GRIP1: variants seen among roughly 807,000 people sequenced by gnomAD.
The protein encoded by GRIP1 is glutamate receptor interacting protein 1.
GRIP1 carries 45 observed loss-of-function variants against 129.9 expected under a neutral mutation model. That is an observed-to-expected ratio of 0.35 (90% CI 0.27 to 0.44). The LOEUF is 0.44. Ranked by LOEUF, GRIP1 falls within the 20% of genes least tolerant of loss-of-function variation. The pLI, the probability that GRIP1 is intolerant of heterozygous loss-of-function variation, is 1.00. For synonymous variants in GRIP1, 530 were observed against 520.8 expected, an observed-to-expected ratio of 1.02 and a Z score of -0.24; for missense variants, 1,196 against 1,396.8, an observed-to-expected ratio of 0.86 and a Z score of 2.29.
chr12:66,910,683 TTGAAA>T (rs2041014517), intron 1 of GRIP1, among the ~76,000 whole-genome samples: 1 of 151,932 alleles, frequency 6.6e-6, no homozygotes, highest in Admixed American at 6.6e-5. Flanking sequence ...CCCAGGAAAC[TTGAAA>T]TGAAGAGACT....
At chr12:66,522,924 T>C (rs2061072181) in intron 5 of GRIP1, among the ~76,000 whole-genome samples, 2 of 152,016 alleles carry the variant, frequency 1.3e-5, no homozygotes, top group South Asian at 2.1e-4. Flanking sequence ...GAAGAAAGAG[T>C]ATCAGTGATG....
intron 2 of GRIP1, among the ~76,000 whole-genome samples, chr12:66,587,789 G>T (rs573221809): frequency 2.0e-5 from 3 of 152,290 alleles, no homozygotes; most frequent in East Asian, 3.9e-4. Context: ...TGTGTCAGTG[G>T]TTTACATTCC....
At chr12:67,016,189 G>T (rs924712846) in intron 1 of GRIP1, among the ~76,000 whole-genome samples, 1 of 152,086 alleles carries the variant, frequency 6.6e-6, no homozygotes, top group African/African-American at 2.4e-5. Flanking sequence ...TAAAATGTAA[G>T]AAATAAAATG....
At chr12:66,424,884 G>T (rs2057930022) in intron 14 of GRIP1, among the ~76,000 whole-genome samples, 1 of 151,484 alleles carries the variant, frequency 6.6e-6, no homozygotes, top group Non-Finnish European at 1.5e-5. Flanking sequence ...TTGCTTTCTA[G>T]GTTTGCTACA....
At chr12:67,025,325 A>G (rs1192768608) in intron 1 of GRIP1, among the ~76,000 whole-genome samples, 2 of 152,190 alleles carry the variant, frequency 1.3e-5, no homozygotes, top group Non-Finnish European at 1.5e-5. Context: ...TGGGTGACAG[A>G]GCGAGACTCT....
intron 1 of GRIP1, among the ~76,000 whole-genome samples, chr12:66,821,971 AG>A (rs1419467121): frequency 2.6e-5 from 4 of 151,926 alleles, no homozygotes; most frequent in Non-Finnish European, 5.9e-5. Context: ...GAAATAGAAT[AG>A]GGGCCAAGTG....
At chr12:66,890,491 C>T (rs1179335171) in intron 1 of GRIP1, among the ~76,000 whole-genome samples, 1 of 152,136 alleles carries the variant, frequency 6.6e-6, no homozygotes, top group Non-Finnish European at 1.5e-5. Flanking sequence ...CACAGGTGAA[C>T]ACAAGTCAAA....
At position 66,420,757 on chromosome 12, in the gene GRIP1, C is replaced by T. The variant is rs199936956; in HGVS notation, c.1801G>A (p.Val601Ile). 6.9e-5 allele frequency: 110 copies of T among 1,588,774 alleles called. No individual in the cohort carries two copies. The highest frequency in any genetic ancestry group is 2.1e-4 in the African/African-American group (16 of 74,616). The stretch of plus-strand genomic sequence containing the variant: ...CTCCCTTTCTTGATATCTGAAATGA[C>T]GAGGGGGTCTCCTGGTTTTCTACTG... ...PSSRKPGDPL[V>I]ISDIKKGSVA... The change falls in exon 15 of 25, where the codon GTC (valine) becomes ATC (isoleucine). Residue 601 changes from valine (V) to isoleucine (I), a missense_variant. Transcript: ENST00000359742.
At chr12:66,626,006 G>A (rs1337147410) in intron 1 of GRIP1, among the ~76,000 whole-genome samples, 2 of 152,004 alleles carry the variant, frequency 1.3e-5, no homozygotes, top group African/African-American at 4.8e-5. Context: ...ACTTCTGGAG[G>A]GGAGATTCTC....
chr12:66,963,086 G>A (rs1014662534), intron 1 of GRIP1, among the ~76,000 whole-genome samples: 2 of 152,016 alleles, frequency 1.3e-5, no homozygotes, highest in South Asian at 2.1e-4. Flanking sequence ...CAAGGTGGGC[G>A]AGCTGCTTGA....
chr12:66,917,947 A>AACACAC (rs58387290), intron 1 of GRIP1, among the ~76,000 whole-genome samples: 9,409 of 147,534 alleles, frequency 0.064, 361 homozygotes, highest in East Asian at 0.2. Flanking sequence ...GAGATGTATA[A>AACACAC]ACACACACAC....
chr12:66,868,415 C>T (rs569048955), intron 1 of GRIP1, among the ~76,000 whole-genome samples: 3 of 152,168 alleles, frequency 2.0e-5, no homozygotes, highest in African/African-American at 7.2e-5. Flanking sequence ...TCAACGAATC[C>T]TCTCAAAACT....
chr12:66,763,188 G>C (rs1373892897), intron 1 of GRIP1, among the ~76,000 whole-genome samples: 2 of 152,116 alleles, frequency 1.3e-5, no homozygotes, highest in Admixed American at 1.3e-4. Flanking sequence ...AGGACCTGGT[G>C]CATTTGTTTT....
At chr12:66,642,395 T>A (rs2032013476) in intron 1 of GRIP1, among the ~76,000 whole-genome samples, 2 of 151,494 alleles carry the variant, frequency 1.3e-5, no homozygotes, top group Admixed American at 1.3e-4. Context: ...AGGAGTACAG[T>A]GGAAGGGGAA....
intron 5 of GRIP1, among the ~76,000 whole-genome samples, chr12:66,523,030 G>T (rs1432276224): frequency 6.6e-6 from 1 of 152,092 alleles, no homozygotes; most frequent in African/African-American, 2.4e-5. Flanking sequence ...GGGACTATGT[G>T]AAAAGACCAA....
At chr12:66,757,311 C>CA in intron 1 of GRIP1, among the ~76,000 whole-genome samples, 1 of 152,240 alleles carries the variant, frequency 6.6e-6, no homozygotes, top group South Asian at 2.1e-4. Context: ...TTAGCACCCA[C>CA]AAATAAGTGA....
chr12:66,775,714 T>G (rs998482999), intron 1 of GRIP1, among the ~76,000 whole-genome samples: 1 of 151,882 alleles, frequency 6.6e-6, no homozygotes, highest in Non-Finnish European at 1.5e-5. Flanking sequence ...GTTATATAAT[T>G]CACCTCTATT....
At chr12:66,932,234 AC>A (rs2041408527) in intron 1 of GRIP1, among the ~76,000 whole-genome samples, 1 of 152,158 alleles carries the variant, frequency 6.6e-6, no homozygotes, top group Non-Finnish European at 1.5e-5. Context: ...ATGAGCTACA[AC>A]CCCAAAGAAA....
At chr12:66,539,037 G>A in intron 4 of GRIP1, 41 bp downstream of exon 4, 1 of 1,565,992 alleles carries the variant, frequency 6.4e-7, no homozygotes, top group Non-Finnish European at 8.8e-7. Context: ...TGGGGGTCTT[G>A]GAATGTATCC....
Sources: gnomAD v4.1 joint callset for allele counts (sites outside exome capture counted in the v4.1 genomes callset) on GRCh38, gnomAD v4.1.1 for gene constraint, MANE v1.5 for transcripts, NCBI Gene and HGNC (gene_info 2026-07-23, HGNC 2026-07-21) for gene names.